Variants in ADGRL4 observed in about 807,000 individuals in gnomAD.
ADGRL4 encodes EGF, latrophilin and seven transmembrane domain containing 1.
In ADGRL4, 90 loss-of-function variants were observed where a neutral mutation model predicts 74.8. That is an observed-to-expected ratio of 1.20 (90% CI 1.02 to 1.43). The LOEUF (loss-of-function observed/expected upper bound fraction) is 1.43, where lower values mean the gene tolerates loss of function less well. ADGRL4 is among the 40% of genes most tolerant of loss of function. The pLI, the probability that ADGRL4 is intolerant of heterozygous loss-of-function variation, is 0.00. For synonymous variants in ADGRL4, 311 were observed against 279.2 expected, an observed-to-expected ratio of 1.11 and a Z score of -1.14; for missense variants, 881 against 814.3, an observed-to-expected ratio of 1.08 and a Z score of -1.00.
At chr1:78,983,053 C>T (rs973926871) in intron 2 of ADGRL4, among the ~76,000 whole-genome samples, 4 of 151,764 alleles carry the variant, frequency 2.6e-5, no homozygotes, top group Non-Finnish European at 5.9e-5. Context: ...TGCCTATGAT[C>T]ATAGAAACTC....
chr1:78,905,349 T>C (rs1648614130), intron 12 of ADGRL4, among the ~76,000 whole-genome samples: 1 of 152,018 alleles, frequency 6.6e-6, no homozygotes, highest in Non-Finnish European at 1.5e-5. Context: ...ACCCATAAAG[T>C]ACCCAGAATA....
chr1:78,928,728 A>G (rs1351707602), intron 7 of ADGRL4, among the ~76,000 whole-genome samples: 1 of 151,514 alleles, frequency 6.6e-6, no homozygotes, highest in African/African-American at 2.4e-5. Flanking sequence ...ATACCTATAT[A>G]TATTTGTTTA....
At chr1:78,948,938 A>C (rs1219153426) in intron 2 of ADGRL4, among the ~76,000 whole-genome samples, 1 of 152,122 alleles carries the variant, frequency 6.6e-6, no homozygotes, top group Non-Finnish European at 1.5e-5. Flanking sequence ...TCACATTCTA[A>C]AGGCAAGTTA....
chr1:78,898,705 G>T (rs1055565729), intron 12 of ADGRL4, among the ~76,000 whole-genome samples: 2 of 151,992 alleles, frequency 1.3e-5, no homozygotes, highest in Non-Finnish European at 2.9e-5. Flanking sequence ...TAACTCTTGA[G>T]ATAAAGCAAT....
At chr1:78,999,897 C>G (rs1650807178) in intron 2 of ADGRL4, among the ~76,000 whole-genome samples, 1 of 151,712 alleles carries the variant, frequency 6.6e-6, no homozygotes, top group African/African-American at 2.4e-5. Flanking sequence ...GAAGTATAAA[C>G]AGAAAATGGT....
chr1:78,921,767 C>G lies in ADGRL4; in HGVS notation c.1103G>C (p.Ser368Thr), dbSNP rs754940166. 7 of 1,521,698 alleles carry G rather than the reference C, an allele frequency of 4.6e-6. No homozygotes were observed. The highest frequency in any genetic ancestry group is 6.2e-6 in the Non-Finnish European group (7 of 1,135,354). The allele number at this position is 1,521,698 out of a possible 1,614,324, so 94.3% of individuals were successfully genotyped here. Reference sequence around the variant, plus strand: ...TGAGTAATTCCAAAATGCACATAGACTCCTATACCTATCTGTGACCTGAAA... The same window carrying G: ...TGAGTAATTCCAAAATGCACATAGAGTCCTATACCTATCTGTGACCTGAAA... ...SHRKVTDRYR[S>T]LCAFWNYSPD... The change falls in exon 9 of 15, where the codon AGT (serine) becomes ACT (threonine). Residue 368 changes from serine to threonine, a missense_variant. Physicochemically the swap from Ser to Thr is moderately conservative, Grantham distance 58. Coordinates refer to ENST00000370742, the MANE Select transcript of ADGRL4 (RefSeq NM_022159.4).
chr1:78,921,084 C>T (rs1232006607), intron 9 of ADGRL4, among the ~76,000 whole-genome samples: 1 of 151,442 alleles, frequency 6.6e-6, no homozygotes, highest in African/African-American at 2.4e-5. Flanking sequence ...GATAAATATA[C>T]AATGTAAGTA....
intron 12 of ADGRL4, among the ~76,000 whole-genome samples, chr1:78,912,786 A>C (rs1263721355): frequency 6.6e-6 from 1 of 151,930 alleles, no homozygotes; most frequent in Non-Finnish European, 1.5e-5. Context: ...AAAAATTGGC[A>C]AATGTGAACT....
intron 14 of ADGRL4, 89 bp downstream of exon 14, chr1:78,891,435 T>C: frequency 1.4e-6 from 2 of 1,400,170 alleles, no homozygotes; most frequent in East Asian, 2.4e-5. Flanking sequence ...GCAGAAGTCA[T>C]AAATCTATGA....
rs1648234782 is a variant in ADGRL4 at position 78,890,049 on chromosome 1, C to A, written c.*1105G>T. On this transcript the variant is annotated 3_prime_UTR_variant, in exon 15 of 15. Coordinates refer to ENST00000370742, the MANE Select transcript of ADGRL4 (RefSeq NM_022159.4). The stretch of plus-strand genomic sequence containing the variant: ...AAACCTCTACAGTTCTCCATGATTT[C>A]TTTGTTAACAATAACAATTTTAAAT... The A allele has an allele frequency of 5.6e-6, 1 of 179,038 alleles. No homozygotes were observed. Among genetic ancestry groups the A allele is most frequent in the Non-Finnish European group, 1.3e-5 (1 of 77,192 alleles). 11.1% of individuals were successfully genotyped at this position (179,038 alleles called of 1,614,324 possible).
intron 3 of ADGRL4, among the ~76,000 whole-genome samples, chr1:78,941,391 C>T (rs947911824): frequency 1.3e-5 from 2 of 152,090 alleles, no homozygotes; most frequent in Admixed American, 6.5e-5. Context: ...TGGGAAAACA[C>T]CCCAATGAAA....
intron 12 of ADGRL4, among the ~76,000 whole-genome samples, chr1:78,906,533 TA>T (rs534434622): frequency 1.2e-4 from 18 of 151,944 alleles, no homozygotes; most frequent in Non-Finnish European, 2.1e-4. Context: ...TGGAAAGGAA[TA>T]AAGGTGAAGG....
chr1:78,966,445 C>A lies in ADGRL4; in HGVS notation c.173-20019G>T, dbSNP rs1296629190. On this transcript the variant is annotated intron_variant, in intron 2 of 14. Transcript: ENST00000370742. The stretch of plus-strand genomic sequence containing the variant: ...AGAAAGTCCTACAACAGCTTTGGCG[C>A]CCAACGTGGGTCTTGAGAAGCGGTG... Among the ~76,000 whole-genome samples the A allele has an allele frequency of 5.3e-5, 8 of 152,168 alleles. No individual in the cohort carries two copies. In the East Asian group the frequency reaches 1.5e-3, roughly 29 times the overall value.
chr1:78,939,344 A>C, intron 3 of ADGRL4, 86 bp from the exon 4 acceptor site: 5 of 1,215,954 alleles, frequency 4.1e-6, no homozygotes, highest in Non-Finnish European at 5.3e-6. Flanking sequence ...GATCTTTCTC[A>C]CTTATTTAAA....
intron 12 of ADGRL4, among the ~76,000 whole-genome samples, chr1:78,896,996 T>C (rs988490384): frequency 6.6e-6 from 1 of 152,150 alleles, no homozygotes; most frequent in African/African-American, 2.4e-5. Context: ...CATCACTCTG[T>C]TTAAATGCCA....
chr1:78,903,963 AAATAAATAAATAAAT>A (rs778846468), intron 12 of ADGRL4, among the ~76,000 whole-genome samples: 4,117 of 132,694 alleles, frequency 0.031, 78 homozygotes, highest in South Asian at 0.061. Context: ...ATAAATAAAT[AAATAAATAAATAAAT>A]AATAATAATA....
At chr1:78,893,305 T>G in intron 12 of ADGRL4, 116 bp from the exon 13 acceptor site, 1 of 701,838 alleles carries the variant, frequency 1.4e-6, no homozygotes, top group Non-Finnish European at 2.4e-6. Flanking sequence ...ATGGCATTTA[T>G]ATAGTTCTTT....
In ADGRL4 at chr1:78,921,734, G is replaced by T. The variant is rs764452598; in HGVS notation, c.1136C>A (p.Thr379Asn). 8 of 1,601,984 alleles carry T rather than the reference G, an allele frequency of 5.0e-6. No individual in the cohort carries two copies. Among genetic ancestry groups the T allele is most frequent in the Non-Finnish European group, 6.8e-6 (8 of 1,174,178 alleles). The change falls in exon 9 of 15, where the codon ACC (threonine) becomes AAC (asparagine). Residue 379 changes from threonine (T) to asparagine (N), a missense_variant. Transcript: ENST00000370742. ...LCAFWNYSPD[T>N]MNGSWSSEGC... The stretch of plus-strand genomic sequence containing the variant: ...CTCTGAAGACCAGCTGCCATTCATG[G>T]TATCAGGTGAGTAATTCCAAAATGC...
chr1:78,976,376 G>T (rs1196992924), intron 2 of ADGRL4, among the ~76,000 whole-genome samples: 1 of 151,580 alleles, frequency 6.6e-6, no homozygotes, highest in Non-Finnish European at 1.5e-5. Flanking sequence ...TAATAGAATT[G>T]GGCTTCAGTA....
Sources: gnomAD v4.1 joint callset for allele counts (sites outside exome capture counted in the v4.1 genomes callset) on GRCh38, gnomAD v4.1.1 for gene constraint, MANE v1.5 for transcripts, NCBI Gene and HGNC (gene_info 2026-07-23, HGNC 2026-07-21) for gene names.